Variants in COQ3 observed in about 807,000 individuals in gnomAD.
The protein encoded by COQ3 is ubiquinone biosynthesis O-methyltransferase, mitochondrial.
A neutral mutation model predicts 33.1 loss-of-function variants in COQ3; 29 were observed. The ratio of observed to expected loss-of-function variants is 0.88; its 90% CI spans 0.65 to 1.19. The LOEUF (loss-of-function observed/expected upper bound fraction) is 1.19. Among genes scored for constraint, COQ3 ranks in the 50% most tolerant of loss-of-function variants. The pLI is 0.00. For synonymous variants in COQ3, 173 were observed against 157.8 expected (o/e 1.10, Z -0.72); for missense variants, 437 against 430.7 (o/e 1.01, Z -0.13).
At chr6:99,385,135 A>G (rs1320948385) in intron 1 of COQ3, among the ~76,000 whole-genome samples, 2 of 152,194 alleles carry the variant, frequency 1.3e-5, no homozygotes, top group Admixed American at 6.5e-5. Context: ...CATACCAACA[A>G]CAGAATTTCA....
intron 4 of COQ3, 113 bp from the exon 5 acceptor site, chr6:99,376,295 A>G: frequency 1.9e-6 from 2 of 1,078,570 alleles, no homozygotes; most frequent in South Asian, 3.2e-5. Context: ...AATACTGGAC[A>G]TCATTTATGG....
intron 2 of COQ3, among the ~76,000 whole-genome samples, chr6:99,383,284 C>T (rs917148287): frequency 1.3e-5 from 2 of 152,142 alleles, no homozygotes; most frequent in African/African-American, 4.8e-5. Context: ...TTATGCAGCA[C>T]CCAAATCACT....
chr6:99,389,481 T>A (rs1562210743), intron 1 of COQ3, among the ~76,000 whole-genome samples: 1 of 152,052 alleles, frequency 6.6e-6, no homozygotes, highest in Non-Finnish European at 1.5e-5. Context: ...ATAAAAAATT[T>A]AAAAAATCAA....
chr6:99,379,719 G>A (rs1316301505), intron 3 of COQ3, among the ~76,000 whole-genome samples: 1 of 152,076 alleles, frequency 6.6e-6, no homozygotes, highest in Non-Finnish European at 1.5e-5. Flanking sequence ...GCTGGGCATG[G>A]TGGCAGATGC....
intron 1 of COQ3, among the ~76,000 whole-genome samples, chr6:99,384,818 G>T (rs1338989709): frequency 1.3e-5 from 2 of 152,076 alleles, no homozygotes; most frequent in Non-Finnish European, 1.5e-5. Flanking sequence ...AATACTAAAT[G>T]TGTATGCACC....
intron 1 of COQ3, among the ~76,000 whole-genome samples, chr6:99,390,170 A>G (rs963764473): frequency 3.9e-5 from 6 of 152,156 alleles, no homozygotes; most frequent in Non-Finnish European, 7.4e-5. Context: ...TATGTGTTTC[A>G]GAGTCCCTGT....
intron 5 of COQ3, among the ~76,000 whole-genome samples, chr6:99,373,893 C>T (rs1774208422): frequency 6.6e-6 from 1 of 151,554 alleles, no homozygotes; most frequent in Non-Finnish European, 1.5e-5. Context: ...ACCTGTGGTC[C>T]CAGCTACTTG....
At chr6:99,373,171 A>C (rs781649855) in intron 5 of COQ3, among the ~76,000 whole-genome samples, 11 of 152,172 alleles carry the variant, frequency 7.2e-5, no homozygotes, top group Non-Finnish European at 1.3e-4. Context: ...ATGGTGGCTC[A>C]TGCCTATAAT....
Position 99,370,755 on chromosome 6 carries a change from G to GAA in COQ3, c.889+671_889+672dup, listed in dbSNP as rs904815743. Reference sequence around the variant, plus strand: ...ATCAAGTTTACTGATAGACTTATATGAAAAAAAAAGCATTAGAAATATAGG... The same window carrying GAA: ...ATCAAGTTTACTGATAGACTTATATGAAAAAAAAAAAGCATTAGAAATATAGG... On this transcript the variant is annotated intron_variant, in intron 6 of 6. Transcript: ENST00000254759. 2.0e-5 allele frequency among the ~76,000 whole-genome samples: 3 copies of GAA among 150,228 alleles called. No individual in the cohort carries two copies. In the South Asian group the frequency reaches 6.3e-4, roughly 31 times the overall value.
intron 1 of COQ3, among the ~76,000 whole-genome samples, chr6:99,391,925 G>A (rs2128474384): frequency 6.6e-6 from 1 of 152,230 alleles, no homozygotes; most frequent in East Asian, 1.9e-4. Flanking sequence ...ATTGAGCCAG[G>A]GAGGCCAAGG....
intron 6 of COQ3, among the ~76,000 whole-genome samples, chr6:99,370,208 T>A (rs1329066213): frequency 1.3e-5 from 2 of 152,174 alleles, no homozygotes; most frequent in Admixed American, 6.6e-5. Context: ...ACTAGCACAA[T>A]GCTTGGAGTT....
Position 99,377,431 on chromosome 6 carries a change from C to T in COQ3, c.441G>A (p.Gly147=), listed in dbSNP as rs1054297941. 8 of 1,613,690 alleles carry T rather than the reference C, an allele frequency of 5.0e-6. No homozygotes were observed. Among genetic ancestry groups the T allele is most frequent in the East Asian group, 2.2e-5 (1 of 44,840 alleles). Residue 147 remains glycine, a synonymous_variant, in exon 4 of 7, where the codon GGG becomes GGA. Coordinates refer to ENST00000254759, the MANE Select transcript of COQ3 (RefSeq NM_017421.4). Reference sequence around the variant, plus strand: ...CACAGCCAACGTCAAGAATCTTCATCCCCAACAAAGGTTTTCCTGGCTGGT... The same window carrying T: ...CACAGCCAACGTCAAGAATCTTCATTCCCAACAAAGGTTTTCCTGGCTGGT... ...PNHQPGKPLL[G]MKILDVGCGG...
Position 99,383,790 on chromosome 6 carries a change from C to T in COQ3, c.141G>A (p.Gln47=), listed in dbSNP as rs905138900. 9 of 1,591,822 alleles carry T rather than the reference C, an allele frequency of 5.7e-6. No homozygotes were observed. Among genetic ancestry groups the T allele is most frequent in the Non-Finnish European group, 7.7e-6 (9 of 1,171,556 alleles). The change falls in exon 2 of 7, where the codon CAG becomes CAA. Residue 47 remains glutamine (Q), a synonymous_variant. Transcript: ENST00000254759. ...ATTCATTGAAAACCCCTGGTTTAAT[C>T]TGTAGAGTCCCACTGAGCTGGTTCT... The part of the protein sequence containing the change: ...YVKNQLSGTL[Q]IKPGVFNEYR...
chr6:99,374,243 A>G (rs1774224583), intron 5 of COQ3, among the ~76,000 whole-genome samples: 1 of 152,164 alleles, frequency 6.6e-6, no homozygotes, highest in Non-Finnish European at 1.5e-5. Context: ...ATATAGGGCT[A>G]GAACTATAAT....
chr6:99,391,627 ATCTC>A (rs1774833985), intron 1 of COQ3, among the ~76,000 whole-genome samples: 3 of 152,146 alleles, frequency 2.0e-5, no homozygotes, highest in African/African-American at 7.2e-5. Flanking sequence ...ACAACCCTTG[ATCTC>A]TCTCTTACCT....
Position 99,375,964 on chromosome 6 carries a change from T to C in COQ3, c.705A>G (p.Leu235=), listed in dbSNP as rs1051344326. The change falls in exon 5 of 7, where the codon TTA becomes TTG. Residue 235 remains leucine (L), a synonymous_variant. Coordinates refer to ENST00000254759, the MANE Select transcript of COQ3 (RefSeq NM_017421.4). The part of the protein sequence containing the change: ...VEHVIDLETF[L]QCCCQVLKPG... ...CTTTTAACACTTGACAGCAGCACTG[T>C]AAAAATGTTTCTAGATCAATCACAT... 1 of 1,614,074 alleles carries C rather than the reference T, an allele frequency of 6.2e-7. No homozygotes were observed. The highest frequency in any genetic ancestry group is 8.5e-7 in the Non-Finnish European group (1 of 1,179,998).
At chr6:99,372,879 T>C (rs9389292) in intron 5 of COQ3, among the ~76,000 whole-genome samples, 44,763 of 151,892 alleles carry the variant, frequency 0.29, 6,792 homozygotes, top group East Asian at 0.46. Context: ...TATAGACATA[T>C]AGAAAGAAAG....
chr6:99,369,460 C>T lies in COQ3; in HGVS notation c.*140G>A, dbSNP rs1774059302. ...TGAAAGTAGCTATTAGACGAAATAA[C>T]AAAAACTTTTGTCCAAGGTTTTAGC... is the stretch of plus-strand genomic sequence containing the variant. On this transcript the variant is annotated 3_prime_UTR_variant, in exon 7 of 7. Coordinates refer to ENST00000254759, the MANE Select transcript of COQ3 (RefSeq NM_017421.4). 1 of 660,088 alleles carries T rather than the reference C, an allele frequency of 1.5e-6. No homozygotes were observed. The highest frequency in any genetic ancestry group is 2.5e-6 in the Non-Finnish European group (1 of 392,476). The allele number at this position is 660,088 out of a possible 1,614,324, so 40.9% of individuals were successfully genotyped here.
intron 1 of COQ3, among the ~76,000 whole-genome samples, chr6:99,391,012 T>C (rs1774808565): frequency 6.6e-6 from 1 of 152,192 alleles, no homozygotes; most frequent in African/African-American, 2.4e-5. Context: ...CCCTTCACAG[T>C]CCATCCCAAA....
Sources: allele counts gnomAD v4.1 joint callset (sites outside exome capture counted in the v4.1 genomes callset), GRCh38; gene constraint gnomAD v4.1.1; transcripts MANE v1.5; gene names NCBI Gene and HGNC (gene_info 2026-07-23, HGNC 2026-07-21).